SPECC1L: variants seen among roughly 807,000 people sequenced by gnomAD.
SPECC1L encodes the protein cytospin-A.
In SPECC1L, 40 loss-of-function variants were observed where a neutral mutation model predicts 116.8. That is an observed-to-expected ratio of 0.34 (90% CI 0.27 to 0.45). SPECC1L has a LOEUF of 0.45. Among genes scored for constraint, SPECC1L ranks in the 20% least tolerant of loss-of-function variants. The pLI is 1.00. For missense variants in SPECC1L, 1,110 were observed against 1,373.6 expected (o/e 0.81, Z 3.03); for synonymous variants, 504 against 500.6 (o/e 1.01, Z -0.09).
At chr22:24,311,288 G>A (rs1327070532) in intron 3 of SPECC1L, among the ~76,000 whole-genome samples, 1 of 152,172 alleles carries the variant, frequency 6.6e-6, no homozygotes. Flanking sequence ...TCAAATGGAA[G>A]AATTTAACTT....
chr22:24,403,640 G>A (rs139397840), intron 14 of SPECC1L, among the ~76,000 whole-genome samples: 67 of 152,330 alleles, frequency 4.4e-4, no homozygotes, highest in Middle Eastern at 6.8e-3. Flanking sequence ...TCAGCAAAGT[G>A]TAAATGGCCT....
intron 10 of SPECC1L, among the ~76,000 whole-genome samples, chr22:24,346,010 TG>T (rs2041284867): frequency 6.7e-6 from 1 of 149,382 alleles, no homozygotes; most frequent in African/African-American, 2.5e-5. Context: ...CTGTTTTTTT[TG>T]TTTTTTTTTT....
At chr22:24,378,957 G>T (rs1378970864) in intron 14 of SPECC1L, among the ~76,000 whole-genome samples, 2 of 152,084 alleles carry the variant, frequency 1.3e-5, no homozygotes, top group African/African-American at 4.8e-5. Flanking sequence ...TTTGATACAG[G>T]ATTGCCACAA....
At chr22:24,313,592 A>T (rs2040501814) in intron 4 of SPECC1L, 126 bp downstream of exon 4, 1 of 1,109,074 alleles carries the variant, frequency 9.0e-7, no homozygotes, top group Admixed American at 2.0e-5. Flanking sequence ...ATGGATTGAT[A>T]TTTCAGCCCA....
chr22:24,405,697 G>T (rs772720346), intron 14 of SPECC1L, among the ~76,000 whole-genome samples: 1 of 151,904 alleles, frequency 6.6e-6, no homozygotes, highest in Non-Finnish European at 1.5e-5. Context: ...AAAATTAGCC[G>T]GGCATGGTGG....
intron 2 of SPECC1L, among the ~76,000 whole-genome samples, chr22:24,296,273 G>A (rs1439217084): frequency 6.6e-6 from 1 of 152,228 alleles, no homozygotes; most frequent in Admixed American, 6.5e-5. Flanking sequence ...CCAGTGAACT[G>A]TACAAGGTAC....
At chr22:24,368,394 C>CA (rs1419261169) in intron 13 of SPECC1L, among the ~76,000 whole-genome samples, 1 of 152,114 alleles carries the variant, frequency 6.6e-6, no homozygotes, top group Non-Finnish European at 1.5e-5. Flanking sequence ...TTGAGCAAGG[C>CA]AAAATTCTAA....
chr22:24,412,421 C>T (rs1457901109), intron 15 of SPECC1L: 8 of 616,748 alleles, frequency 1.3e-5, no homozygotes, highest in South Asian at 9.1e-5. Context: ...GAGGAAAGAA[C>T]GGGTGTTGGT....
At chr22:24,307,887 C>G (rs570352948) in intron 3 of SPECC1L, among the ~76,000 whole-genome samples, 2 of 151,290 alleles carry the variant, frequency 1.3e-5, no homozygotes, top group African/African-American at 4.9e-5. Flanking sequence ...ATATTTAGAT[C>G]CTCAATCTGT....
chr22:24,281,671 C>T (rs745994217), intron 2 of SPECC1L, among the ~76,000 whole-genome samples: 8 of 152,128 alleles, frequency 5.3e-5, no homozygotes, highest in Admixed American at 3.3e-4. Context: ...TAATGTAATT[C>T]GTTTTCAAAG....
intron 3 of SPECC1L, among the ~76,000 whole-genome samples, 172 bp from the exon 4 acceptor site, chr22:24,313,141 A>G (rs1251056486): frequency 6.6e-6 from 1 of 152,220 alleles, no homozygotes; most frequent in Admixed American, 6.5e-5. Flanking sequence ...TTATAAACCT[A>G]TAAAGAAGTT....
intron 14 of SPECC1L, among the ~76,000 whole-genome samples, chr22:24,385,520 G>A (rs1160282169): frequency 6.6e-6 from 1 of 152,172 alleles, no homozygotes; most frequent in East Asian, 1.9e-4. Flanking sequence ...TCCTATGCGA[G>A]CACTAACCAA....
chr22:24,276,106 G>A (rs1375779619), intron 1 of SPECC1L, among the ~76,000 whole-genome samples: 2 of 152,222 alleles, frequency 1.3e-5, no homozygotes, highest in East Asian at 3.9e-4. Context: ...ACTGGTGGCA[G>A]GCTGGATGTG....
Position 24,298,746 on chromosome 22 carries a change from T to C in SPECC1L, c.-37-3449T>C, listed in dbSNP as rs62233088. Among the ~76,000 whole-genome samples, 1,186 of 152,338 alleles carry C rather than the reference T, an allele frequency of 7.8e-3. 9 individuals are homozygous for C. The highest frequency in any genetic ancestry group is 0.024 in the South Asian group (116 of 4,824). ...CTCCCTCTTACTTAGCCTTTTTGTT[T>C]TATTCAGGTCTACAGTTGATGAGAT... is the stretch of plus-strand genomic sequence containing the variant. On this transcript the variant is annotated intron_variant, in intron 2 of 16. Coordinates refer to ENST00000314328, the MANE Select transcript of SPECC1L (RefSeq NM_015330.6).
At position 24,416,804 on chromosome 22, in the gene SPECC1L, T is replaced by G. The variant is rs1308409587; in HGVS notation, c.*2181T>G. On this transcript the variant is annotated 3_prime_UTR_variant, in exon 17 of 17. Transcript: ENST00000314328. ...ATGGGCTGTATCTGTGTTTTCCCTC[T>G]GGGAGTCTCATGGGTCCAGCATCAG... The G allele has an allele frequency of 6.6e-6, 1 of 152,212 alleles. No homozygotes were observed. Among genetic ancestry groups the G allele is most frequent in the African/African-American group, 2.4e-5 (1 of 41,420 alleles). 9.4% of individuals were successfully genotyped at this position (152,212 alleles called of 1,614,324 possible).
At chr22:24,399,513 T>G (rs2042429975) in intron 14 of SPECC1L, among the ~76,000 whole-genome samples, 1 of 151,880 alleles carries the variant, frequency 6.6e-6, no homozygotes, top group Admixed American at 6.6e-5. Context: ...GAGCTTGTGG[T>G]GAGCTGAGAT....
chr22:24,365,730 G>C, intron 13 of SPECC1L, 98 bp downstream of exon 13: 1 of 1,413,546 alleles, frequency 7.1e-7, no homozygotes, highest in Non-Finnish European at 9.9e-7. Context: ...TGAGCACTGT[G>C]ATTTTTCTTT....
chr22:24,302,538 A>G (rs920705201), intron 3 of SPECC1L, among the ~76,000 whole-genome samples, 154 bp downstream of exon 3: 2 of 152,148 alleles, frequency 1.3e-5, no homozygotes, highest in African/African-American at 2.4e-5. Context: ...GGGTGGACCT[A>G]ATTGCTGTTT....
At chr22:24,331,530 T>G (rs549606002) in intron 8 of SPECC1L, among the ~76,000 whole-genome samples, 1 of 152,348 alleles carries the variant, frequency 6.6e-6, no homozygotes, top group East Asian at 1.9e-4. Flanking sequence ...TTCATTCCTT[T>G]GGATCTCAAA....
Sources: gnomAD v4.1 joint callset for allele counts (sites outside exome capture counted in the v4.1 genomes callset) on GRCh38, gnomAD v4.1.1 for gene constraint, MANE v1.5 for transcripts, NCBI Gene and HGNC (gene_info 2026-07-23, HGNC 2026-07-21) for gene names.